WWC1: variants seen among roughly 807,000 people sequenced by gnomAD.
The protein encoded by WWC1 is WW and C2 domain containing 1.
WWC1 carries 55 observed loss-of-function variants against 138.4 expected under a neutral mutation model. The ratio of observed to expected loss-of-function variants is 0.40; its 90% CI spans 0.32 to 0.50. WWC1 has a LOEUF of 0.50. Ranked by LOEUF, WWC1 falls within the 20% of genes least tolerant of loss-of-function variation. WWC1 has a pLI of 0.72. For synonymous variants in WWC1, 524 were observed against 564.9 expected, an observed-to-expected ratio of 0.93 and a Z score of 1.03; for missense variants, 1,226 against 1,420.4, an observed-to-expected ratio of 0.86 and a Z score of 2.20.
At chr5:168,371,611 G>C in intron 2 of WWC1, 78 bp downstream of exon 2, 1 of 1,033,424 alleles carries the variant, frequency 9.7e-7, no homozygotes, top group Non-Finnish European at 1.5e-6. Flanking sequence ...TCCAAGTCTG[G>C]AAGAACCACT....
intron 3 of WWC1, among the ~76,000 whole-genome samples, chr5:168,387,603 T>A (rs1457809638): frequency 2.6e-5 from 4 of 152,170 alleles, no homozygotes; most frequent in African/African-American, 9.7e-5. Context: ...GAGATTCGGG[T>A]ACTAGCATGG....
At position 168,292,848 on chromosome 5, in the gene WWC1, G is replaced by A. The variant is rs150195228; in HGVS notation, c.119+577G>A. 2.4e-4 allele frequency among the ~76,000 whole-genome samples: 37 copies of A among 152,266 alleles called. No homozygotes were observed. The highest frequency in any genetic ancestry group is 8.4e-4 in the African/African-American group (35 of 41,566). Reference sequence around the variant, plus strand: ...AGAACAGCACAGGGGCAGCCAGGGGGCCCTGGAACCCGAGGGTGGGGAGGA... The same window carrying A: ...AGAACAGCACAGGGGCAGCCAGGGGACCCTGGAACCCGAGGGTGGGGAGGA... On this transcript the variant is annotated intron_variant, in intron 1 of 22. Transcript: ENST00000265293. This position sits in a 1 kb window ranked among gnomAD's most constrained non-coding sequence, Gnocchi z 4.4.
chr5:168,427,962 CAA>C, intron 11 of WWC1, 69 bp from the exon 12 acceptor site: 1 of 1,380,198 alleles, frequency 7.2e-7, no homozygotes, highest in Non-Finnish European at 1.0e-6. Context: ...GCCTCAAAAA[CAA>C]AACAAAATTG....
intron 1 of WWC1, among the ~76,000 whole-genome samples, chr5:168,365,834 C>T (rs766251408): frequency 3.3e-5 from 5 of 152,230 alleles, no homozygotes; most frequent in African/African-American, 9.6e-5. Flanking sequence ...AGGCAGAACT[C>T]GTTCTTGTCT....
chr5:168,345,587 T>C (rs1774398683), intron 1 of WWC1, among the ~76,000 whole-genome samples: 1 of 152,250 alleles, frequency 6.6e-6, no homozygotes, highest in Non-Finnish European at 1.5e-5. Flanking sequence ...TGCAGTTGAC[T>C]TGGATTGTAC....
intron 1 of WWC1, among the ~76,000 whole-genome samples, chr5:168,355,494 CAAAAAAAAAAAA>C (rs564674062): frequency 4.5e-5 from 3 of 66,528 alleles, no homozygotes; most frequent in African/African-American, 5.9e-5. Context: ...GACTCCGTCT[CAAAAAAAAAAAA>C]AAAAAAAAAA....
intron 19 of WWC1, among the ~76,000 whole-genome samples, chr5:168,459,877 G>C (rs1217808968): frequency 6.6e-6 from 1 of 152,084 alleles, no homozygotes; most frequent in Non-Finnish European, 1.5e-5. Flanking sequence ...TCCCCACTCT[G>C]CTCCCACCTC....
chr5:168,431,402 C>T lies in WWC1; in HGVS notation c.2238C>T (p.Val746=). Reference sequence around the variant, plus strand: ...CCCTTCACCAGAAGACCTTAAGAGTCGATGTCTGTACCACCGACAGGAGCC... The same window carrying T: ...CCCTTCACCAGAAGACCTTAAGAGTTGATGTCTGTACCACCGACAGGAGCC... ...YPALHQKTLR[V]DVCTTDRSHL... The change falls in exon 15 of 23, where the codon GTC becomes GTT. Residue 746 remains valine (V), a synonymous_variant. Transcript: ENST00000265293. 2.5e-6 allele frequency: 4 copies of T among 1,613,706 alleles called. No individual in the cohort carries two copies. The highest frequency in any genetic ancestry group is 2.2e-5 in the South Asian group (2 of 91,028).
intron 1 of WWC1, among the ~76,000 whole-genome samples, chr5:168,297,075 T>C (rs1453591213): frequency 1.3e-5 from 2 of 152,168 alleles, no homozygotes; most frequent in Admixed American, 6.6e-5. Flanking sequence ...CCCTGAACCT[T>C]GCGTTTGCCT....
chr5:168,407,643 C>T (rs372676463), intron 6 of WWC1, among the ~76,000 whole-genome samples: 1 of 152,120 alleles, frequency 6.6e-6, no homozygotes, highest in Non-Finnish European at 1.5e-5. Flanking sequence ...AGCCTTAAGC[C>T]AGATAGACCA....
intron 1 of WWC1, among the ~76,000 whole-genome samples, chr5:168,366,506 T>C (rs1776300203): frequency 6.6e-6 from 1 of 152,182 alleles, no homozygotes; most frequent in South Asian, 2.1e-4. Context: ...TAGCTTTGGG[T>C]CCTCTTGCCT....
chr5:168,408,428 G>A, intron 6 of WWC1, 79 bp from the exon 7 acceptor site: 1 of 1,529,132 alleles, frequency 6.5e-7, no homozygotes, highest in South Asian at 1.2e-5. Context: ...AGGGTAGAGA[G>A]GGAAGCACAG....
intron 8 of WWC1, among the ~76,000 whole-genome samples, chr5:168,412,537 C>T (rs1242307034): frequency 2.6e-5 from 4 of 152,120 alleles, no homozygotes; most frequent in Admixed American, 6.5e-5. Flanking sequence ...AGCCCCTGCC[C>T]GGCCTTACCA....
intron 1 of WWC1, among the ~76,000 whole-genome samples, chr5:168,347,980 A>T (rs1429460735): frequency 6.6e-6 from 1 of 152,184 alleles, no homozygotes; most frequent in Admixed American, 6.5e-5. Flanking sequence ...GGGTCAGAGG[A>T]GTCATGCTCA....
At chr5:168,348,836 G>C (rs960844424) in intron 1 of WWC1, among the ~76,000 whole-genome samples, 4 of 152,110 alleles carry the variant, frequency 2.6e-5, no homozygotes, top group Non-Finnish European at 5.9e-5. Context: ...GCTTGAGGGT[G>C]TGAGAAGAAA....
intron 1 of WWC1, among the ~76,000 whole-genome samples, chr5:168,329,440 C>A (rs747309143): frequency 3.2e-4 from 49 of 152,252 alleles, no homozygotes; most frequent in Non-Finnish European, 5.7e-4. Context: ...ACCACACTTC[C>A]TTTTGGTAAA....
intron 1 of WWC1, among the ~76,000 whole-genome samples, chr5:168,362,541 G>A (rs145665998): frequency 7.2e-5 from 11 of 152,294 alleles, no homozygotes; most frequent in African/African-American, 1.4e-4. Flanking sequence ...TGCTAAGTCC[G>A]TTTTTAAAAT....
At chr5:168,403,901 C>CACACACACT (rs1554104908) in intron 5 of WWC1, among the ~76,000 whole-genome samples, 3 of 151,324 alleles carry the variant, frequency 2.0e-5, no homozygotes, top group East Asian at 3.9e-4. Flanking sequence ...CACACACACA[C>CACACACACT]ACACACACAC....
chr5:168,371,591 C>G, intron 2 of WWC1, 58 bp downstream of exon 2: 3 of 1,284,292 alleles, frequency 2.3e-6, no homozygotes, highest in South Asian at 1.3e-5. Flanking sequence ...ACCTCCAAGC[C>G]CATCCTCCCT....
Sources: allele counts gnomAD v4.1 joint callset (sites outside exome capture counted in the v4.1 genomes callset), GRCh38; gene constraint gnomAD v4.1.1; non-coding constraint Gnocchi (gnomAD v3.1); transcripts MANE v1.5; gene names NCBI Gene and HGNC (gene_info 2026-07-23, HGNC 2026-07-21).